NEBL: variants seen among roughly 807,000 people sequenced by gnomAD.
NEBL encodes LIM and SH3 protein 2.
In NEBL, 122 loss-of-function variants were observed where a neutral mutation model predicts 140.2. The observed-to-expected ratio is 0.87, with a 90% CI of 0.75 to 1.01. The LOEUF (loss-of-function observed/expected upper bound fraction) is 1.01. Among genes scored for constraint, NEBL ranks in the 50% least tolerant of loss-of-function variants. The pLI, the probability that NEBL is intolerant of heterozygous loss-of-function variation, is 0.00. For missense variants in NEBL, 1,365 were observed against 1,231.3 expected, an observed-to-expected ratio of 1.11 and a Z score of -1.62; for synonymous variants, 436 against 398.9, an observed-to-expected ratio of 1.09 and a Z score of -1.11.
chr10:21,010,480 C>T (rs1420122534), intron 3 of NEBL, among the ~76,000 whole-genome samples: 1 of 151,596 alleles, frequency 6.6e-6, no homozygotes, highest in Non-Finnish European at 1.5e-5. Flanking sequence ...TCTCAAACTC[C>T]TGGCCTCAAG....
rs145086068 is a variant in NEBL, at chr10:20,819,457, C to T, written c.2022G>A (p.Glu674=). ...ATPVSMTPEI[E]RVRRNQEQLS... ...GCTGCTCCTGGTTTCGCCTCACTCTCTCTATCTCCGGGGTCATGCTTACCG... is the reference window on the plus strand; with the variant it reads ...GCTGCTCCTGGTTTCGCCTCACTCTTTCTATCTCCGGGGTCATGCTTACCG... The change falls in exon 20 of 28, where the codon GAG becomes GAA. Residue 674 remains glutamate, a synonymous_variant. Transcript: ENST00000377122. 1.2e-6 allele frequency: 2 copies of T among 1,614,104 alleles called. No homozygotes were observed. The highest frequency in any genetic ancestry group is 1.7e-6 in the Non-Finnish European group (2 of 1,179,980).
chr10:21,180,689 AC>A (rs1841372096), intron 3 of NEBL, among the ~76,000 whole-genome samples: 1 of 152,082 alleles, frequency 6.6e-6, no homozygotes, highest in African/African-American at 2.4e-5. Context: ...TCCCTAAGCC[AC>A]CTTGTCCAGC....
chr10:20,907,766 A>G (rs540651029), intron 4 of NEBL, among the ~76,000 whole-genome samples: 1 of 152,330 alleles, frequency 6.6e-6, no homozygotes, highest in East Asian at 1.9e-4. Context: ...ATCAGTGAGG[A>G]AAAACACAGT....
chr10:20,821,520 T>C (rs981836332), intron 19 of NEBL, among the ~76,000 whole-genome samples: 1 of 152,192 alleles, frequency 6.6e-6, no homozygotes, highest in Non-Finnish European at 1.5e-5. Context: ...ACCTACAATG[T>C]TATACTTTTT....
chr10:20,996,918 A>T (rs1029423945), intron 3 of NEBL, among the ~76,000 whole-genome samples: 2 of 152,174 alleles, frequency 1.3e-5, no homozygotes, highest in Non-Finnish European at 2.9e-5. Flanking sequence ...ACGTGTGTGC[A>T]ATTGATCAAT....
intron 2 of NEBL, among the ~76,000 whole-genome samples, chr10:21,169,067 A>AAAAT (rs1554830679): frequency 1.1e-3 from 25 of 23,062 alleles, no homozygotes; most frequent in Non-Finnish European, 1.7e-3. Flanking sequence ...AAAAAAAAAA[A>AAAAT]ATATATATAT....
At chr10:21,248,066 C>T (rs1184293807) in intron 2 of NEBL, 1 of 229,906 alleles carries the variant, frequency 4.3e-6, no homozygotes, top group East Asian at 1.1e-4. Flanking sequence ...TGGACGGCAC[C>T]CTTTAAATGG....
intron 1 of NEBL, among the ~76,000 whole-genome samples, chr10:21,258,836 G>A (rs182970647): frequency 6.6e-4 from 101 of 152,226 alleles, no homozygotes; most frequent in Middle Eastern, 3.4e-3. Flanking sequence ...CCGAGATCAC[G>A]GCCACTGCAC....
chr10:20,815,791 C>T, intron 21 of NEBL, 74 bp from the exon 22 acceptor site: 3 of 1,090,552 alleles, frequency 2.8e-6, no homozygotes, highest in Non-Finnish European at 4.2e-6. Flanking sequence ...TTATTTAAGA[C>T]AGGGTCTTGC....
upstream of NEBL, among the ~76,000 whole-genome samples, chr10:20,897,933 G>A (rs12251286): frequency 0.067 from 10,154 of 152,130 alleles, 1,063 homozygotes; most frequent in African/African-American, 0.23. Context: ...CATTAAACAT[G>A]AGAAGTTGCA....
At position 21,173,451 on chromosome 10, in the gene NEBL, C is replaced by G. The variant is rs939975687; in HGVS notation, c.69+314G>C. On this transcript the variant is annotated intron_variant, in intron 1 of 6. Coordinates refer to the NEBL transcript ENST00000417816. This position sits in a 1 kb window ranked among gnomAD's most constrained non-coding sequence, Gnocchi z 5.7. ...GAGGGGGCGCGGCTCGCCGAAGTGC[C>G]CCCCTGGGTGCCCAGCCTGGTCCCT... Among the ~76,000 whole-genome samples the G allele has an allele frequency of 1.3e-5, 2 of 151,388 alleles. No homozygotes were observed. The highest frequency in any genetic ancestry group is 2.9e-5 in the Non-Finnish European group (2 of 67,986).
chr10:21,206,010 T>G (rs1205515166), intron 3 of NEBL, among the ~76,000 whole-genome samples: 1 of 152,180 alleles, frequency 6.6e-6, no homozygotes, highest in African/African-American at 2.4e-5. Flanking sequence ...CCATTAGTCA[T>G]CAGGTGCCAA....
intron 2 of NEBL, among the ~76,000 whole-genome samples, chr10:21,118,561 A>T (rs796886507): frequency 3.3e-5 from 5 of 152,198 alleles, no homozygotes; most frequent in African/African-American, 1.2e-4. Context: ...CTGGGGAAAG[A>T]TTTTCCATAA....
chr10:21,070,224 G>A (rs141585606), intron 2 of NEBL, among the ~76,000 whole-genome samples: 5 of 152,240 alleles, frequency 3.3e-5, no homozygotes, highest in Non-Finnish European at 5.9e-5. Flanking sequence ...CCCTTGAGTC[G>A]TCAGGACCTC....
At chr10:21,185,140 A>G (rs938257978) in intron 3 of NEBL, among the ~76,000 whole-genome samples, 1 of 152,202 alleles carries the variant, frequency 6.6e-6, no homozygotes, top group African/African-American at 2.4e-5. Context: ...AGGAACCAAG[A>G]GAAAGTAATG....
chr10:21,164,398 G>A (rs1390854600), intron 2 of NEBL, among the ~76,000 whole-genome samples: 4 of 152,164 alleles, frequency 2.6e-5, no homozygotes, highest in African/African-American at 4.8e-5. Flanking sequence ...TAAAGCACTC[G>A]TCTGAAAACA....
At chr10:20,937,955 G>A (rs1375181220) in intron 4 of NEBL, among the ~76,000 whole-genome samples, 4 of 152,196 alleles carry the variant, frequency 2.6e-5, no homozygotes, top group Non-Finnish European at 5.9e-5. Context: ...CTTGAACTGG[G>A]TGGAGCCCAC....
intron 2 of NEBL, among the ~76,000 whole-genome samples, chr10:21,150,532 C>G (rs1840096370): frequency 6.6e-6 from 1 of 152,194 alleles, no homozygotes; most frequent in African/African-American, 2.4e-5. Flanking sequence ...TACAATATAT[C>G]TCCAAACATT....
intron 4 of NEBL, among the ~76,000 whole-genome samples, chr10:20,883,992 G>C (rs944932046): frequency 3.3e-5 from 5 of 152,018 alleles, no homozygotes; most frequent in African/African-American, 1.2e-4. Context: ...TGATTTCTTA[G>C]GATTTGTCAT....
Sources: gnomAD v4.1 joint callset for allele counts (sites outside exome capture counted in the v4.1 genomes callset) on GRCh38, gnomAD v4.1.1 for gene constraint, Gnocchi (gnomAD v3.1) non-coding constraint, MANE v1.5 for transcripts, NCBI Gene and HGNC (gene_info 2026-07-23, HGNC 2026-07-21) for gene names.